FAM171A2: variants seen among roughly 807,000 people sequenced by gnomAD.
The protein encoded by FAM171A2 is family with sequence similarity 171 member A2, also known as protein FAM171A2.
FAM171A2 carries 13 observed loss-of-function variants against 34.2 expected under a neutral mutation model. That is an observed-to-expected ratio of 0.38 (90% confidence interval 0.25 to 0.60). FAM171A2 has a LOEUF of 0.60. FAM171A2 is among the 20% of genes least tolerant of loss of function. FAM171A2 has a pLI of 0.62. For missense variants in FAM171A2, 950 were observed against 1,180.7 expected (o/e 0.80, Z 2.86); for synonymous variants, 475 against 561.2 (o/e 0.85, Z 2.17).
rs375378814 is a variant in FAM171A2 at position 44,354,978 on chromosome 17, C to G, written c.1236G>C (p.Arg412=). Residue 412 remains arginine (R), a synonymous_variant, in exon 8 of 8, where the codon CGG becomes CGC. Transcript: ENST00000293443. The surrounding 1 kb of genome is among the most constrained non-coding windows in gnomAD (Gnocchi z 5.8). ...FSSSRDLASS[R]DDFFRTKPRS... is the part of the protein sequence containing the mutation. ...GCGGCTTGGTGCGGAAGAAGTCATC[C>G]CGGGAGGAGGCCAAGTCCCGGGAGC... 32 of 1,480,076 alleles carry G rather than the reference C, an allele frequency of 2.2e-5. No individual in the cohort carries two copies. The highest frequency in any genetic ancestry group is 7.5e-5 in the East Asian group (3 of 40,206). The allele number at this position is 1,480,076 out of a possible 1,614,324, so 91.7% of individuals were successfully genotyped here.
Position 44,354,267 on chromosome 17 carries a change from C to T in FAM171A2, c.1947G>A (p.Pro649=), listed in dbSNP as rs1213345171. The change falls in exon 8 of 8, where the codon CCG becomes CCA. Residue 649 remains proline (P), a synonymous_variant. Coordinates refer to ENST00000293443, the MANE Select transcript of FAM171A2 (RefSeq NM_198475.3). The surrounding 1 kb of genome is among the most constrained non-coding windows in gnomAD (Gnocchi z 5.8). ...GGGACACGAACCAGGCGCGCGGGTG[C>T]GGCTTCACGCCCAGTTCCAGCAGCT... ...EKKLLELGVK[P]HPRAWFVSLD... 3 of 1,450,968 alleles carry T rather than the reference C, an allele frequency of 2.1e-6. No homozygotes were observed. The highest frequency in any genetic ancestry group is 5.8e-5 in the East Asian group (2 of 34,404). The allele number at this position is 1,450,968 out of a possible 1,614,324, so 89.9% of individuals were successfully genotyped here.
Position 44,354,051 on chromosome 17 carries a change from G to GGGCGCGGGCGGC in FAM171A2, c.2151_2162dup (p.Pro719_Pro722dup). ...TGTCCTCGCTGAGCGCCAGGCGCGG[G>GGGCGCGGGCGGC]GGCGCGGGCGGCGGCGGCGGCGCGG... On this transcript the variant is annotated inframe_insertion, in exon 8 of 8. Transcript: ENST00000293443. The surrounding 1 kb of genome is among the most constrained non-coding windows in gnomAD (Gnocchi z 5.8). The GGGCGCGGGCGGC allele has an allele frequency of 8.7e-7, 1 of 1,143,038 alleles. No homozygotes were observed. Among genetic ancestry groups the GGGCGCGGGCGGC allele is most frequent in the Non-Finnish European group, 1.1e-6 (1 of 931,756 alleles). 70.8% of individuals were successfully genotyped at this position (1,143,038 alleles called of 1,614,324 possible). A position where few individuals can be genotyped will look rare whatever the true frequency, so the allele number is the denominator to read the frequency against.
Position 44,360,607 on chromosome 17 carries a change from C to G in FAM171A2, c.119-475G>C, listed in dbSNP as rs115843660. Among the ~76,000 whole-genome samples, 1,200 of 151,524 alleles carry G rather than the reference C, an allele frequency of 7.9e-3. 9 individuals are homozygous for G. The highest frequency in any genetic ancestry group is 0.027 in the African/African-American group (1,128 of 41,284). ...CTGGGATCCAGACCTGGCAGTCTGC[C>G]TCTAGAAGCGACATTCTTAACCCCG... is the stretch of plus-strand genomic sequence containing the variant. On this transcript the variant is annotated intron_variant, in intron 1 of 7. Transcript: ENST00000293443.
intron 1 of FAM171A2, among the ~76,000 whole-genome samples, chr17:44,360,732 G>T (rs2048444684): frequency 6.6e-6 from 1 of 152,196 alleles, no homozygotes; most frequent in Non-Finnish European, 1.5e-5. Context: ...AGTTTGAAAG[G>T]GAGGATGGAG....
At chr17:44,362,172 G>C (rs1160394591) in intron 1 of FAM171A2, among the ~76,000 whole-genome samples, 1 of 151,980 alleles carries the variant, frequency 6.6e-6, no homozygotes, top group East Asian at 1.9e-4. Flanking sequence ...CCCGCCAGCT[G>C]CCCCAGAGAA....
Position 44,356,557 on chromosome 17 carries a change from C to T in FAM171A2, c.471G>A (p.Gln157=), listed in dbSNP as rs1479047507. ...GARSQPLVQF[Q]RRAARLPVSS... is the part of the protein sequence containing the mutation. ...TGACAGGCAGGCGGGCAGCCCGGCG[C>T]TGGAACTGCACCAAGGGCTGGGAGC... Residue 157 remains glutamine, a synonymous_variant, in exon 4 of 8, where the codon CAG becomes CAA. Transcript: ENST00000293443. 1 of 1,547,906 alleles carries T rather than the reference C, an allele frequency of 6.5e-7. No homozygotes were observed. Among genetic ancestry groups the T allele is most frequent in the Non-Finnish European group, 8.7e-7 (1 of 1,146,220 alleles).
rs12451521 is a variant in FAM171A2, at chr17:44,355,406, G to A, written c.1023-215C>T. The stretch of plus-strand genomic sequence containing the variant: ...CCTCTGCATGTAGGATGTGCTGCGA[G>A]AACCAGGGATGAGCATCTAAGCTGT... On this transcript the variant is annotated intron_variant, in intron 7 of 7. Coordinates refer to ENST00000293443, the MANE Select transcript of FAM171A2 (RefSeq NM_198475.3). The surrounding 1 kb of genome is among the most constrained non-coding windows in gnomAD (Gnocchi z 4.1). Among the ~76,000 whole-genome samples, 6,101 of 152,328 alleles carry A rather than the reference G, an allele frequency of 0.04. 151 individuals are homozygous for A. Among genetic ancestry groups the A allele is most frequent in the South Asian group, 0.077 (371 of 4,826 alleles).
In FAM171A2 at chr17:44,353,641, G is replaced by C; in HGVS notation, c.*92C>G. On this transcript the variant is annotated 3_prime_UTR_variant, in exon 8 of 8. Transcript: ENST00000293443. ...GGGCCCCTCTCCGGCCTGGGGCTGG[G>C]AGCTACGCGCGAGGGCCCCCGCGGG... is the stretch of plus-strand genomic sequence containing the variant. 3.0e-6 allele frequency: 3 copies of C among 1,006,820 alleles called. No individual in the cohort carries two copies. In the Admixed American group the frequency reaches 1.4e-4, roughly 47 times the overall value. The allele number at this position is 1,006,820 out of a possible 1,614,324, so 62.4% of individuals were successfully genotyped here.
Position 44,353,364 on chromosome 17 carries a change from G to C in FAM171A2, c.*369C>G, listed in dbSNP as rs1341960496. 5.8e-5 allele frequency: 10 copies of C among 172,144 alleles called. No homozygotes were observed. Among genetic ancestry groups the C allele is most frequent in the Admixed American group, 5.8e-4 (10 of 17,386 alleles). The allele number at this position is 172,144 out of a possible 1,614,324, so 10.7% of individuals were successfully genotyped here. A position where few individuals can be genotyped will look rare whatever the true frequency, so the allele number is the denominator to read the frequency against. On this transcript the variant is annotated 3_prime_UTR_variant, in exon 8 of 8. Transcript: ENST00000293443. ...AGCAGCACCCCCTCCCCTCCCAGGG[G>C]TCCACAAAGAACGCCCCCTCCCTTC...
chr17:44,353,982 C>G lies in FAM171A2; in HGVS notation c.2232G>C (p.Pro744=), dbSNP rs746018591. 1.9e-3 allele frequency: 2,387 copies of G among 1,282,808 alleles called. 5 individuals are homozygous for G. The highest frequency in any genetic ancestry group is 5.2e-3 in the Middle Eastern group (17 of 3,270). The allele number at this position is 1,282,808 out of a possible 1,614,324, so 79.5% of individuals were successfully genotyped here. The change falls in exon 8 of 8, where the codon CCG becomes CCC. Residue 744 remains proline, a synonymous_variant. Transcript: ENST00000293443. ...SSESRTGLCS[P]EDNSLTPLLD... ...GCAGCGGCGTCAGCGAGTTGTCCTCCGGAGAGCAGAGGCCCGTGCGGCTCT... is the reference window on the plus strand; with the variant it reads ...GCAGCGGCGTCAGCGAGTTGTCCTCGGGAGAGCAGAGGCCCGTGCGGCTCT...
intron 1 of FAM171A2, among the ~76,000 whole-genome samples, chr17:44,362,430 C>T (rs1418033059): frequency 6.6e-6 from 1 of 152,198 alleles, no homozygotes; most frequent in Non-Finnish European, 1.5e-5. Flanking sequence ...GGAAATCCGA[C>T]CCCCTCCCTT....
At chr17:44,361,556 C>G (rs1394830976) in intron 1 of FAM171A2, among the ~76,000 whole-genome samples, 7 of 152,240 alleles carry the variant, frequency 4.6e-5, no homozygotes, top group African/African-American at 1.7e-4. Flanking sequence ...CCGCAGCCAG[C>G]GCCACGCCTG....
Position 44,353,822 on chromosome 17 carries a change from C to A in FAM171A2, c.2392G>T (p.Gly798Trp). Reference protein sequence around the residue: ...DSLTSPEDELGAEVGDEAGDK... With the variant: ...DSLTSPEDELWAEVGDEAGDK... ...CCCGCCTCGTCGCCCACCTCCGCCCCCAGCTCGTCCTCCGGGCTGGTGAGC... is the reference window on the plus strand; with the variant it reads ...CCCGCCTCGTCGCCCACCTCCGCCCACAGCTCGTCCTCCGGGCTGGTGAGC... Residue 798 changes from glycine to tryptophan, a missense_variant, in exon 8 of 8, where the codon GGG becomes TGG. Gly to Trp is a radical substitution (Grantham distance 184). Around this residue, in one of 3 missense-constraint regions of FAM171A2, gnomAD observed 191 missense variants for 222.8 expected, o/e 0.86. Coordinates refer to ENST00000293443, the MANE Select transcript of FAM171A2 (RefSeq NM_198475.3). 7.0e-7 allele frequency: 1 copy of A among 1,423,894 alleles called. No homozygotes were observed. Among genetic ancestry groups the A allele is most frequent in the African/African-American group, 1.5e-5 (1 of 66,810 alleles). The allele number at this position is 1,423,894 out of a possible 1,614,324, so 88.2% of individuals were successfully genotyped here.
chr17:44,353,702 G>A lies in FAM171A2; in HGVS notation c.*31C>T, dbSNP rs1294620153. The stretch of plus-strand genomic sequence containing the variant: ...GCGCACCCTGGGTGCGGGCCCGCGC[G>A]GGAGGGGCGGTGCCAGGCCCTGCGC... On this transcript the variant is annotated 3_prime_UTR_variant, in exon 8 of 8. Coordinates refer to ENST00000293443, the MANE Select transcript of FAM171A2 (RefSeq NM_198475.3). The A allele has an allele frequency of 1.6e-6, 2 of 1,285,262 alleles. No homozygotes were observed. The highest frequency in any genetic ancestry group is 2.0e-6 in the Non-Finnish European group (2 of 1,018,484). 79.6% of individuals were successfully genotyped at this position (1,285,262 alleles called of 1,614,324 possible).
intron 3 of FAM171A2, among the ~76,000 whole-genome samples, chr17:44,357,086 GC>G (rs1008833747): frequency 3.0e-4 from 46 of 152,262 alleles, no homozygotes; most frequent in African/African-American, 1.0e-3. Context: ...AGTGGCTCAT[GC>G]CTATAATCCC....
Position 44,356,039 on chromosome 17 carries a change from T to C in FAM171A2, c.814A>G (p.Lys272Glu). 6.5e-7 allele frequency: 1 copy of C among 1,548,410 alleles called. No individual in the cohort carries two copies. Among genetic ancestry groups the C allele is most frequent in the Non-Finnish European group, 8.7e-7 (1 of 1,145,306 alleles). ...GTCCAGTAGAGCTGCCGGCCTTCCTTCCGGATTACACCAGTGCCATTGCGC... is the reference window on the plus strand; with the variant it reads ...GTCCAGTAGAGCTGCCGGCCTTCCTCCCGGATTACACCAGTGCCATTGCGC... ...WVRNGTGVIR[K>E]EGRQLYWTFV... The change falls in exon 6 of 8, where the codon AAG becomes GAG. Residue 272 changes from lysine to glutamate, a missense_variant. By Grantham distance (56) the Lys-to-Glu change is moderately conservative (BLOSUM62 1). Coordinates refer to ENST00000293443, the MANE Select transcript of FAM171A2 (RefSeq NM_198475.3).
Position 44,353,947 on chromosome 17 carries a change from A to C in FAM171A2, c.2267T>G (p.Val756Gly). The change falls in exon 8 of 8, where the codon GTG becomes GGG. Residue 756 changes from valine (V) to glycine (G), a missense_variant. Coordinates refer to ENST00000293443, the MANE Select transcript of FAM171A2 (RefSeq NM_198475.3). Reference protein sequence around the residue: ...DNSLTPLLDEVAAPEGRAATV... With the variant: ...DNSLTPLLDEGAAPEGRAATV... ...GGCCGCCCGGCCCTCGGGCGCCGCC[A>C]CCTCGTCCAGCAGCGGCGTCAGCGA... 1 of 1,293,196 alleles carries C rather than the reference A, an allele frequency of 7.7e-7. No individual in the cohort carries two copies. The highest frequency in any genetic ancestry group is 3.0e-4 in the Middle Eastern group (1 of 3,344). The allele number at this position is 1,293,196 out of a possible 1,614,324, so 80.1% of individuals were successfully genotyped here. A position where few individuals can be genotyped will look rare whatever the true frequency, so the allele number is the denominator to read the frequency against.
chr17:44,361,459 G>A (rs1264017264), intron 1 of FAM171A2, among the ~76,000 whole-genome samples: 1 of 152,172 alleles, frequency 6.6e-6, no homozygotes. Context: ...GGAGGTCAGG[G>A]TGCTGTGGAG....
chr17:44,360,029 G>A lies in FAM171A2; in HGVS notation c.222C>T (p.Thr74=), dbSNP rs1196145264. 3 of 1,551,766 alleles carry A rather than the reference G, an allele frequency of 1.9e-6. No individual in the cohort carries two copies. The highest frequency in any genetic ancestry group is 2.6e-6 in the Non-Finnish European group (3 of 1,147,010). ...FGNRTLLAAG[T]TDSEGVATLP... is the part of the protein sequence containing the mutation. ...GGGTGGCCACACCCTCTGAGTCTGT[G>A]GTGCCAGCTGCCAGCAGAGTCCGGT... is the stretch of plus-strand genomic sequence containing the variant. The change falls in exon 2 of 8, where the codon ACC becomes ACT. Residue 74 remains threonine (T), a synonymous_variant. Coordinates refer to ENST00000293443, the MANE Select transcript of FAM171A2 (RefSeq NM_198475.3).
Sources: gnomAD v4.1 joint callset for allele counts (sites outside exome capture counted in the v4.1 genomes callset) on GRCh38, gnomAD v4.1.1 for gene constraint, gnomAD v4.1.1 regional missense constraint, Gnocchi (gnomAD v3.1) non-coding constraint, MANE v1.5 for transcripts, NCBI Gene and HGNC (gene_info 2026-07-23, HGNC 2026-07-21) for gene names.